The following MCF2L2 variants were observed in gnomAD, a reference collection of about 807,000 sequenced individuals.
MCF2L2 encodes MCF.2 cell line derived transforming sequence-like 2.
Under a neutral mutation model 150.2 loss-of-function variants are expected in MCF2L2, and 102 were observed. That is an observed-to-expected ratio of 0.68 (90% CI 0.58 to 0.80). MCF2L2 has a LOEUF of 0.80. MCF2L2 is among the 30% of genes least tolerant of loss of function. MCF2L2 has a pLI of 0.00. For synonymous variants in MCF2L2, 465 were observed against 491.3 expected, an observed-to-expected ratio of 0.95 and a Z score of 0.71; for missense variants, 1,256 against 1,372.8, an observed-to-expected ratio of 0.91 and a Z score of 1.34.
chr3:183,207,511 C>A, intron 23 of MCF2L2, 97 bp downstream of exon 23: 2 of 935,866 alleles, frequency 2.1e-6, no homozygotes, highest in South Asian at 1.6e-5. Flanking sequence ...TTAACTTCAC[C>A]TCTCTACACT....
intron 1 of MCF2L2, chr3:183,400,218 C>T: frequency 3.3e-6 from 1 of 303,566 alleles, no homozygotes; most frequent in Non-Finnish European, 6.5e-6. Context: ...AACTTCTTCA[C>T]AAAAAACTTG....
chr3:183,377,459 C>T (rs1358483838), intron 3 of MCF2L2: 2 of 152,188 alleles, frequency 1.3e-5, no homozygotes, highest in African/African-American at 4.8e-5. Context: ...TGGAATGACT[C>T]ATTATCAAAA....
chr3:183,240,439 G>A (rs1464696185), intron 15 of MCF2L2, among the ~76,000 whole-genome samples: 4 of 152,108 alleles, frequency 2.6e-5, no homozygotes, highest in African/African-American at 4.8e-5. Flanking sequence ...GGCTGGTCTC[G>A]AACTCCTGAC....
At chr3:183,404,882 A>G (rs865833799) in intron 1 of MCF2L2, among the ~76,000 whole-genome samples, 1 of 152,136 alleles carries the variant, frequency 6.6e-6, no homozygotes, top group African/African-American at 2.4e-5. Context: ...AAGAAAAAAA[A>G]AATCTGAAAT....
intron 3 of MCF2L2, among the ~76,000 whole-genome samples, chr3:183,352,624 G>A (rs771833824): frequency 6.6e-6 from 1 of 152,184 alleles, no homozygotes; most frequent in Non-Finnish European, 1.5e-5. Context: ...TGCTTCCACT[G>A]CACAGGAAAG....
At chr3:183,184,455 A>G (rs1721629211) in intron 27 of MCF2L2, among the ~76,000 whole-genome samples, 1 of 152,242 alleles carries the variant, frequency 6.6e-6, no homozygotes, top group South Asian at 2.1e-4. Flanking sequence ...GTATCAGATA[A>G]GCATAAGGAG....
chr3:183,314,217 ACT>A (rs947014208), intron 7 of MCF2L2, among the ~76,000 whole-genome samples: 1 of 152,140 alleles, frequency 6.6e-6, no homozygotes, highest in Non-Finnish European at 1.5e-5. Flanking sequence ...AGTCGGGAGC[ACT>A]CTCTGATTGT....
rs771898142 is a variant in MCF2L2 at position 183,296,978 on chromosome 3, T to TC, written c.1494_1495insG (p.Lys499GlufsTer13). On this transcript the variant is annotated frameshift_variant, in exon 12 of 30. Transcript: ENST00000328913. LOFTEE classifies it high-confidence loss of function. Reference sequence around the variant, plus strand: ...TCAAAATAACCCGGAAGCATTACCTTTGCATCGAGGGTGAGCAGCAACTCA... The same window carrying TC: ...TCAAAATAACCCGGAAGCATTACCTTCTGCATCGAGGGTGAGCAGCAACTCA... 1.9e-6 allele frequency: 3 copies of TC among 1,613,232 alleles called. No homozygotes were observed. The South Asian group carries it at 3.3e-5, about 18-fold the overall frequency.
intron 3 of MCF2L2, among the ~76,000 whole-genome samples, chr3:183,368,521 T>C (rs1268361644): frequency 6.6e-6 from 1 of 152,124 alleles, no homozygotes; most frequent in Non-Finnish European, 1.5e-5. Flanking sequence ...CCCAGCACTT[T>C]GGGAGGCCGA....
intron 25 of MCF2L2, among the ~76,000 whole-genome samples, chr3:183,202,226 A>G (rs1406933353): frequency 6.6e-6 from 1 of 152,166 alleles, no homozygotes; most frequent in Non-Finnish European, 1.5e-5. Context: ...AACTTGCCCA[A>G]TGTGAAAAGT....
At chr3:183,290,103 C>G (rs1728037655) in intron 13 of MCF2L2, among the ~76,000 whole-genome samples, 1 of 152,178 alleles carries the variant, frequency 6.6e-6, no homozygotes, top group South Asian at 2.1e-4. Flanking sequence ...ACACTAAACT[C>G]TTAACGCTGA....
intron 2 of MCF2L2, among the ~76,000 whole-genome samples, chr3:183,384,734 T>G (rs1010635801): frequency 6.6e-5 from 10 of 152,222 alleles, no homozygotes; most frequent in Admixed American, 5.9e-4. Flanking sequence ...CGGCTCTGCA[T>G]GAATTACTCT....
chr3:183,366,144 A>G (rs1316963647), intron 3 of MCF2L2, among the ~76,000 whole-genome samples: 4 of 152,180 alleles, frequency 2.6e-5, no homozygotes, highest in African/African-American at 9.6e-5. Context: ...TTGAAATTTC[A>G]AACCTACAAC....
intron 1 of MCF2L2, among the ~76,000 whole-genome samples, chr3:183,392,216 C>T (rs1456227992): frequency 2.6e-5 from 4 of 152,198 alleles, no homozygotes; most frequent in Non-Finnish European, 5.9e-5. Context: ...ACGATCCCCA[C>T]GCCATCTCAT....
chr3:183,379,199 C>T (rs1713369873), intron 3 of MCF2L2, 98 bp downstream of exon 3: 1 of 797,844 alleles, frequency 1.3e-6, no homozygotes, highest in Admixed American at 3.3e-5. Context: ...CAGGGTACAC[C>T]ATGCTCATGG....
chr3:183,350,808 G>A (rs1731083929), intron 3 of MCF2L2, among the ~76,000 whole-genome samples: 1 of 151,942 alleles, frequency 6.6e-6, no homozygotes, highest in Non-Finnish European at 1.5e-5. Context: ...AGAGGCTGAG[G>A]CTGGAGAATG....
chr3:183,187,244 C>T (rs1721730755), intron 27 of MCF2L2, among the ~76,000 whole-genome samples: 2 of 152,142 alleles, frequency 1.3e-5, no homozygotes, highest in South Asian at 4.1e-4. Context: ...AGCTCCTAGG[C>T]CCCCTTGGAG....
At chr3:183,285,275 T>C (rs894523112) in intron 14 of MCF2L2, among the ~76,000 whole-genome samples, 1 of 152,206 alleles carries the variant, frequency 6.6e-6, no homozygotes, top group Non-Finnish European at 1.5e-5. Context: ...ACCTGTGAAA[T>C]TGCTATGATT....
intron 2 of MCF2L2, among the ~76,000 whole-genome samples, chr3:183,382,051 T>TTTATGA (rs1553791425): frequency 2.0e-5 from 3 of 148,378 alleles, no homozygotes. Context: ...AATTTCACCT[T>TTTATGA]TTATTATTAT....
Sources: gnomAD v4.1 joint callset for allele counts (sites outside exome capture counted in the v4.1 genomes callset) on GRCh38, gnomAD v4.1.1 for gene constraint, MANE v1.5 for transcripts, NCBI Gene and HGNC (gene_info 2026-07-23, HGNC 2026-07-21) for gene names.